SLCO1B3: variants seen among roughly 807,000 people sequenced by gnomAD.
SLCO1B3 encodes the protein solute carrier organic anion transporter family member 1B3, also known as liver-specific organic anion transporter 2.
Under a neutral mutation model 71.8 loss-of-function variants are expected in SLCO1B3, and 72 were observed. That is an observed-to-expected ratio of 1.00 (90% confidence interval 0.83 to 1.22). SLCO1B3 has a LOEUF of 1.22. SLCO1B3 is among the 50% of genes most tolerant of loss of function. The pLI is 0.00. For missense variants in SLCO1B3, 911 were observed against 819.7 expected (o/e 1.11, Z -1.36); for synonymous variants, 298 against 278.4 (o/e 1.07, Z -0.70).
intron 13 of SLCO1B3, among the ~76,000 whole-genome samples, chr12:20,888,834 C>T (rs188856598): frequency 1.3e-5 from 2 of 152,028 alleles, no homozygotes; most frequent in East Asian, 1.9e-4. Context: ...TTGTCATATA[C>T]ATGGTTTTTA....
At position 20,916,177 on chromosome 12, in the gene SLCO1B3, T is replaced by C; in HGVS notation, c.2039T>C (p.Phe680Ser). 1 of 1,612,522 alleles carries C rather than the reference T, an allele frequency of 6.2e-7. No homozygotes were observed. The highest frequency in any genetic ancestry group is 8.5e-7 in the Non-Finnish European group (1 of 1,178,690). The stretch of plus-strand genomic sequence containing the variant: ...GAATTCTTAAATAATGGTGAACATT[T>C]TGTACCTTCTGCTGGAACAGATAGT... ...NLEFLNNGEH[F>S]VPSAGTDSKT... is the part of the protein sequence containing the mutation. The change falls in exon 16 of 16, where the codon TTT (phenylalanine) becomes TCT (serine). Residue 680 changes from phenylalanine to serine, a missense_variant. Transcript: ENST00000381545.
At chr12:20,881,856 A>G (rs1008240082) in intron 12 of SLCO1B3, among the ~76,000 whole-genome samples, 4 of 152,146 alleles carry the variant, frequency 2.6e-5, no homozygotes, top group Admixed American at 2.6e-4. Flanking sequence ...AGCTGCGATT[A>G]TGACTCTCTA....
intron 3 of SLCO1B3, among the ~76,000 whole-genome samples, chr12:20,850,689 A>T (rs371477842): frequency 6.6e-6 from 1 of 152,040 alleles, no homozygotes; most frequent in South Asian, 2.1e-4. Context: ...CACAATGTCT[A>T]TTGTTCCCTT....
At chr12:20,905,209 G>A (rs1276793074) in intron 15 of SLCO1B3, among the ~76,000 whole-genome samples, 1 of 152,142 alleles carries the variant, frequency 6.6e-6, no homozygotes, top group Non-Finnish European at 1.5e-5. Context: ...CAGGGCAGCA[G>A]GGCCCTGGGC....
At chr12:20,814,129 T>A (rs1864151920) in intron 2 of SLCO1B3, among the ~76,000 whole-genome samples, 1 of 152,182 alleles carries the variant, frequency 6.6e-6, no homozygotes, top group Non-Finnish European at 1.5e-5. Flanking sequence ...GCTTATATAC[T>A]TTATATACAT....
intron 3 of SLCO1B3, among the ~76,000 whole-genome samples, chr12:20,840,459 T>G (rs2121168843): frequency 6.6e-6 from 1 of 151,538 alleles, no homozygotes; most frequent in African/African-American, 2.4e-5. Flanking sequence ...TGGTGTGATC[T>G]TAGCTCACTA....
At chr12:20,908,096 T>C (rs2120429813) in intron 15 of SLCO1B3, among the ~76,000 whole-genome samples, 1 of 152,206 alleles carries the variant, frequency 6.6e-6, no homozygotes, top group Non-Finnish European at 1.5e-5. Flanking sequence ...AAGGTTTAGG[T>C]AAAAGTAAAA....
chr12:20,851,297 G>A (rs994823543), intron 3 of SLCO1B3, among the ~76,000 whole-genome samples: 5 of 152,146 alleles, frequency 3.3e-5, no homozygotes, highest in African/African-American at 1.2e-4. Context: ...AACAAACACA[G>A]TGGATCCAAC....
chr12:20,838,217 C>G (rs991083639), intron 3 of SLCO1B3, among the ~76,000 whole-genome samples: 2 of 151,546 alleles, frequency 1.3e-5, no homozygotes, highest in African/African-American at 2.4e-5. Flanking sequence ...TTTTTAACCT[C>G]TGGTAACTTT....
chr12:20,879,208 T>TTTC (rs1452904644), intron 10 of SLCO1B3, among the ~76,000 whole-genome samples: 1 of 140,456 alleles, frequency 7.1e-6, no homozygotes, highest in Non-Finnish European at 1.6e-5. Context: ...CTTCTCTCTT[T>TTTC]TTTTTTTTTT....
At chr12:20,897,982 C>T (rs534427471) in intron 13 of SLCO1B3, among the ~76,000 whole-genome samples, 97 of 152,042 alleles carry the variant, frequency 6.4e-4, no homozygotes, top group Admixed American at 9.2e-4. Context: ...ATATAATTTA[C>T]GAATCATATT....
At position 20,862,494 on chromosome 12, in the gene SLCO1B3, A is replaced by G. The variant is rs766508014; in HGVS notation, c.564A>G (p.Ile188Met). Residue 188 changes from isoleucine to methionine, a missense_variant, in exon 7 of 16, where the codon ATA becomes ATG. Physicochemically the swap from Ile to Met is conservative, Grantham distance 10 (BLOSUM62 1). Coordinates refer to ENST00000381545, the MANE Select transcript of SLCO1B3 (RefSeq NM_019844.4). ...NMLRGIGETP[I>M]VPLGISYIDD... ...TTCGTGGCATAGGGGAAACCCCCAT[A>G]GTACCATTGGGGATTTCATACATTG... is the stretch of plus-strand genomic sequence containing the variant. The G allele has an allele frequency of 9.1e-5, 146 of 1,611,178 alleles. No individual in the cohort carries two copies. The highest frequency in any genetic ancestry group is 1.1e-4 in the Non-Finnish European group (135 of 1,177,776).
At chr12:20,840,769 A>G (rs1330582932) in intron 3 of SLCO1B3, among the ~76,000 whole-genome samples, 1 of 152,098 alleles carries the variant, frequency 6.6e-6, no homozygotes, top group Non-Finnish European at 1.5e-5. Context: ...GAAGTTGGGT[A>G]TTTCCTTTAC....
rs963389168 is a variant in SLCO1B3 at position 20,834,071 on chromosome 12, AATAT to A, written c.84+18255_84+18258del. On this transcript the variant is annotated intron_variant, in intron 3 of 15. Transcript: ENST00000381545. Reference sequence around the variant, plus strand: ...ATATGTGTGCATATATAAAAATATAAATATATATAAATATATACACATATATAAT... The same window carrying A: ...ATATGTGTGCATATATAAAAATATAAATATAAATATATACACATATATAAT... Among the ~76,000 whole-genome samples, 15 of 122,944 alleles carry A rather than the reference AATAT, an allele frequency of 1.2e-4. No individual in the cohort carries two copies. The Admixed American group carries it at 1.3e-3, about 11-fold the overall frequency. The allele number at this position is 122,944 out of a possible 152,430, so 80.7% of individuals were successfully genotyped here.
chr12:20,898,409 T>G (rs1180614546), intron 13 of SLCO1B3, 27 bp from the exon 14 acceptor site: 2 of 1,482,398 alleles, frequency 1.3e-6, no homozygotes, highest in Admixed American at 3.4e-5. Context: ...TGACATGTAT[T>G]ATTTCTTTGC....
chr12:20,842,994 T>G (rs1805876223), intron 3 of SLCO1B3, among the ~76,000 whole-genome samples: 1 of 152,172 alleles, frequency 6.6e-6, no homozygotes, highest in African/African-American at 2.4e-5. Context: ...GCTGTCCTGA[T>G]CTCAGACTTT....
At chr12:20,824,355 A>G (rs1263670716) in intron 3 of SLCO1B3, among the ~76,000 whole-genome samples, 2 of 152,230 alleles carry the variant, frequency 1.3e-5, no homozygotes, top group African/African-American at 2.4e-5. Flanking sequence ...TGAGCTCTCC[A>G]TGAAAGGCCT....
At chr12:20,888,427 A>G (rs1035947569) in intron 13 of SLCO1B3, among the ~76,000 whole-genome samples, 3 of 151,694 alleles carry the variant, frequency 2.0e-5, no homozygotes, top group Non-Finnish European at 4.4e-5. Context: ...CTTAGTTTAA[A>G]TGTATTACTA....
intron 3 of SLCO1B3, 29 bp downstream of exon 3, chr12:20,815,851 A>C: frequency 6.9e-7 from 1 of 1,447,292 alleles, no homozygotes; most frequent in Non-Finnish European, 9.4e-7. Context: ...TTTCAAACTA[A>C]AATAAGTTAA....
Sources: allele counts gnomAD v4.1 joint callset (sites outside exome capture counted in the v4.1 genomes callset), GRCh38; gene constraint gnomAD v4.1.1; transcripts MANE v1.5; gene names NCBI Gene and HGNC (gene_info 2026-07-23, HGNC 2026-07-21).